PTAR1: variants seen among roughly 807,000 people sequenced by gnomAD.
PTAR1 encodes protein prenyltransferase alpha subunit repeat-containing protein 1.
In PTAR1, 17 loss-of-function variants were observed where a neutral mutation model predicts 45.5. The ratio of observed to expected loss-of-function variants is 0.37; its 90% CI spans 0.26 to 0.56. PTAR1 has a LOEUF of 0.56. Ranked by LOEUF, PTAR1 falls within the 20% of genes least tolerant of loss-of-function variation. The pLI is 0.77. For missense variants in PTAR1, 391 were observed against 476.3 expected (o/e 0.82, Z 1.67); for synonymous variants, 169 against 171.3 (o/e 0.99, Z 0.11).
At chr9:69,735,966 A>G (rs1330034709) in intron 3 of PTAR1, among the ~76,000 whole-genome samples, 3 of 149,936 alleles carry the variant, frequency 2.0e-5, no homozygotes, top group Non-Finnish European at 3.0e-5. Flanking sequence ...TATAAAATAT[A>G]TATTTTTTTC....
chr9:69,734,106 G>T (rs2134115840), intron 4 of PTAR1, 44 bp downstream of exon 4: 1 of 1,076,174 alleles, frequency 9.3e-7, no homozygotes, highest in Non-Finnish European at 1.4e-6. Flanking sequence ...TCTCCAGCCA[G>T]TCTGAATCCT....
intron 6 of PTAR1, among the ~76,000 whole-genome samples, chr9:69,720,492 G>C (rs1824944825): frequency 2.6e-5 from 4 of 152,172 alleles, no homozygotes; most frequent in African/African-American, 9.6e-5. Flanking sequence ...AAACTACAAA[G>C]TGAAGTAGCA....
At chr9:69,732,743 C>T (rs1380037254) in intron 4 of PTAR1, among the ~76,000 whole-genome samples, 1 of 152,022 alleles carries the variant, frequency 6.6e-6, no homozygotes. Context: ...AGTCATGATT[C>T]ACATCTTTAA....
chr9:69,734,136 TA>T lies in PTAR1; in HGVS notation c.428+13del. The T allele has an allele frequency of 7.1e-7, 1 of 1,409,048 alleles. No homozygotes were observed. Among genetic ancestry groups the T allele is most frequent in the Non-Finnish European group, 1.0e-6 (1 of 995,108 alleles). 87.3% of individuals were successfully genotyped at this position (1,409,048 alleles called of 1,614,324 possible). A position where few individuals can be genotyped will look rare whatever the true frequency, so the allele number is the denominator to read the frequency against. ...AATCCTAAGTAAGAGTACTATGTTG[TA>T]AATTAACCACACCTGTGAATCCATG... On this transcript the variant is annotated intron_variant, in intron 4 of 7. Coordinates refer to ENST00000340434, the MANE Select transcript of PTAR1 (RefSeq NM_001099666.2).
intron 1 of PTAR1, among the ~76,000 whole-genome samples, chr9:69,754,557 CT>C (rs1826679759): frequency 1.6e-5 from 1 of 61,324 alleles, no homozygotes; most frequent in Non-Finnish European, 2.8e-5. Flanking sequence ...TTTTTTTTTC[CT>C]GAGACAGGAT....
In PTAR1 at chr9:69,734,161, T is replaced by G. The variant is rs762932807; in HGVS notation, c.417A>C (p.Thr139=). The G allele has an allele frequency of 7.6e-6, 12 of 1,568,792 alleles. No individual in the cohort carries two copies. The African/African-American group carries it at 1.4e-4, about 18-fold the overall frequency. Residue 139 remains threonine, a synonymous_variant, in exon 4 of 8, where the codon ACA becomes ACC. Transcript: ENST00000340434. Reference sequence around the variant, plus strand: ...TAAATTAACCACACCTGTGAATCCATGTTTCTGGACTCTTTGGAAACTTGG... The same window carrying G: ...TAAATTAACCACACCTGTGAATCCAGGTTTCTGGACTCTTTGGAAACTTGG... ...ALTKFPKSPE[T]WIHRRWVLQQ...
chr9:69,741,498 G>A (rs190187730), intron 3 of PTAR1: 3 of 327,996 alleles, frequency 9.1e-6, no homozygotes, highest in Admixed American at 8.6e-5. Flanking sequence ...AACCAGTTAT[G>A]CCCATTGCCC....
rs1564121777 is a variant in PTAR1 at position 69,715,706 on chromosome 9, G to C, written c.*2636C>G. 6.6e-6 allele frequency: 1 copy of C among 152,026 alleles called. No homozygotes were observed. The highest frequency in any genetic ancestry group is 2.4e-5 in the African/African-American group (1 of 41,398). The allele number at this position is 152,026 out of a possible 1,614,324, so 9.4% of individuals were successfully genotyped here. A position where few individuals can be genotyped will look rare whatever the true frequency, so the allele number is the denominator to read the frequency against. On this transcript the variant is annotated 3_prime_UTR_variant, in exon 8 of 8. Coordinates refer to ENST00000340434, the MANE Select transcript of PTAR1 (RefSeq NM_001099666.2). The stretch of plus-strand genomic sequence containing the variant: ...CAGACACATCCTTTCTACTACATAA[G>C]CTCAGTCAAAGACATTATCATGCTA...
intron 5 of PTAR1, among the ~76,000 whole-genome samples, chr9:69,725,130 CTTT>C (rs1825206746): frequency 6.6e-6 from 1 of 152,054 alleles, no homozygotes; most frequent in South Asian, 2.1e-4. Context: ...AATACAGCAG[CTTT>C]TTTATTTTGG....
chr9:69,736,001 G>A (rs541627193), intron 3 of PTAR1, among the ~76,000 whole-genome samples: 2 of 151,402 alleles, frequency 1.3e-5, no homozygotes, highest in East Asian at 3.9e-4. Context: ...TGCTTTTGCA[G>A]TCTTGGATTA....
rs1393660067 is a variant in PTAR1 at position 69,713,112 on chromosome 9, G to C, written c.*5230C>G. The C allele has an allele frequency of 6.6e-6, 1 of 152,060 alleles. No homozygotes were observed. Among genetic ancestry groups the C allele is most frequent in the East Asian group, 1.9e-4 (1 of 5,196 alleles). 9.4% of individuals were successfully genotyped at this position (152,060 alleles called of 1,614,324 possible). On this transcript the variant is annotated 3_prime_UTR_variant, in exon 8 of 8. Coordinates refer to ENST00000340434, the MANE Select transcript of PTAR1 (RefSeq NM_001099666.2). The stretch of plus-strand genomic sequence containing the variant: ...GTCAGGGTTAGCTTTCTGGACAATA[G>C]AATCATCCAGAAAGCACAAATTATA...
intron 1 of PTAR1, among the ~76,000 whole-genome samples, chr9:69,759,503 T>C (rs1232356960): frequency 6.6e-6 from 1 of 152,090 alleles, no homozygotes; most frequent in East Asian, 1.9e-4. Flanking sequence ...CGGACCCACA[T>C]CGTTGTGTGC....
At position 69,741,812 on chromosome 9, in the gene PTAR1, A is replaced by G. The variant is rs1196851277; in HGVS notation, c.303T>C (p.Phe101=). ...TCTLLLLNPD[F]TTAWNVRKEL... ...CATACCTCACGTTCCATGCAGTGGT[A>G]AAGTCTGGGTTTAGAAGCAGCAGGG... is the stretch of plus-strand genomic sequence containing the variant. Residue 101 remains phenylalanine, a synonymous_variant, in exon 3 of 8, where the codon TTT becomes TTC. Coordinates refer to ENST00000340434, the MANE Select transcript of PTAR1 (RefSeq NM_001099666.2). The G allele has an allele frequency of 1.2e-6, 2 of 1,600,756 alleles. No homozygotes were observed. The highest frequency in any genetic ancestry group is 1.7e-5 in the Admixed American group (1 of 58,810).
At chr9:69,727,841 C>A (rs1015937398) in intron 5 of PTAR1, among the ~76,000 whole-genome samples, 3 of 152,116 alleles carry the variant, frequency 2.0e-5, no homozygotes, top group African/African-American at 7.2e-5. Flanking sequence ...ACTTTAGAAT[C>A]ATTTTTGAAG....
intron 3 of PTAR1, among the ~76,000 whole-genome samples, chr9:69,738,396 A>T (rs1825887826): frequency 6.6e-6 from 1 of 152,196 alleles, no homozygotes; most frequent in African/African-American, 2.4e-5. Context: ...AACCTTAAGA[A>T]ATACAGAGTT....
rs570478090 is a variant in PTAR1, at chr9:69,744,731, T to C, written c.257-2873A>G. The stretch of plus-strand genomic sequence containing the variant: ...TTACTTTTGTTACTTACATAAATAT[T>C]GTCCTCTTAACTGGACCACAAATTT... On this transcript the variant is annotated intron_variant, in intron 2 of 7. Transcript: ENST00000340434. Among the ~76,000 whole-genome samples, 4 of 152,296 alleles carry C rather than the reference T, an allele frequency of 2.6e-5. No homozygotes were observed. The East Asian group carries it at 5.8e-4, about 22-fold the overall frequency.
intron 1 of PTAR1, among the ~76,000 whole-genome samples, chr9:69,752,111 G>C (rs1826559707): frequency 6.6e-6 from 1 of 152,068 alleles, no homozygotes; most frequent in Non-Finnish European, 1.5e-5. Context: ...TGTTTTTAGA[G>C]TGTCTATATA....
intron 5 of PTAR1, among the ~76,000 whole-genome samples, chr9:69,728,777 C>G (rs898850673): frequency 2.0e-5 from 3 of 152,082 alleles, no homozygotes; most frequent in African/African-American, 7.2e-5. Flanking sequence ...ATGCAGACAT[C>G]AGAGAGAACA....
intron 4 of PTAR1, among the ~76,000 whole-genome samples, chr9:69,733,914 A>G (rs894021079): frequency 2.6e-5 from 4 of 152,176 alleles, no homozygotes; most frequent in Non-Finnish European, 4.4e-5. Context: ...TATATGAGAC[A>G]GGTGTAATTA....
Sources: allele counts gnomAD v4.1 joint callset (sites outside exome capture counted in the v4.1 genomes callset), GRCh38; gene constraint gnomAD v4.1.1; transcripts MANE v1.5; gene names NCBI Gene and HGNC (gene_info 2026-07-23, HGNC 2026-07-21).